The following CCDC88C variants were observed in gnomAD, a reference collection of about 807,000 sequenced individuals.
CCDC88C encodes the protein coiled-coil and HOOK domain protein 88C.
CCDC88C carries 131 observed loss-of-function variants against 198.8 expected under a neutral mutation model. The ratio of observed to expected loss-of-function variants is 0.66; its 90% CI spans 0.57 to 0.76. The LOEUF is 0.76. Among genes scored for constraint, CCDC88C ranks in the 30% least tolerant of loss-of-function variants. The probability of loss-of-function intolerance (pLI) is 0.00; values close to 1 mark genes in which losing one functional copy is unlikely to be tolerated. For synonymous variants in CCDC88C, 1,166 were observed against 1,114.7 expected, an observed-to-expected ratio of 1.05 and a Z score of -0.92; for missense variants, 2,553 against 2,631.6, an observed-to-expected ratio of 0.97 and a Z score of 0.65.
intron 3 of CCDC88C, among the ~76,000 whole-genome samples, chr14:91,373,027 C>T (rs990582126): frequency 1.2e-4 from 19 of 152,132 alleles, no homozygotes; most frequent in Admixed American, 3.3e-4. Flanking sequence ...GGGGCAAACA[C>T]AGGAAGCCAC....
intron 23 of CCDC88C, among the ~76,000 whole-genome samples, chr14:91,293,426 C>T (rs758714432): frequency 0.019 from 80 of 4,272 alleles, 6 homozygotes; most frequent in African/African-American, 0.035. Context: ...CTGCCACGGC[C>T]CACCTTCCCG....
chr14:91,318,423 C>T (rs934050534), intron 13 of CCDC88C, among the ~76,000 whole-genome samples: 2 of 152,088 alleles, frequency 1.3e-5, no homozygotes, highest in East Asian at 1.9e-4. Context: ...CTCAAAAAAC[C>T]GAGTCACTTT....
chr14:91,322,007 C>T (rs1438344886), intron 12 of CCDC88C, among the ~76,000 whole-genome samples: 5 of 152,066 alleles, frequency 3.3e-5, no homozygotes, highest in African/African-American at 7.2e-5. Flanking sequence ...GTTCCTGGCC[C>T]CCTCCTGCCA....
chr14:91,308,485 T>C lies in CCDC88C; in HGVS notation c.2872A>G (p.Lys958Glu), dbSNP rs1469403292. Residue 958 changes from lysine (K) to glutamate (E), a missense_variant, in exon 17 of 30, where the codon AAG (lysine) becomes GAG (glutamate). Physicochemically the swap from Lys to Glu is moderately conservative, Grantham distance 56. Around this residue, in one of 2 missense-constraint regions of CCDC88C, gnomAD observed 1,260 missense variants for 1,412.0 expected, o/e 0.89. Coordinates refer to ENST00000389857, the MANE Select transcript of CCDC88C (RefSeq NM_001080414.4). Reference sequence around the variant, plus strand: ...GATTCATTTCTGCCCTCCAAAATCTTGTATTTTCTGGAAAACACAAAGATA... The same window carrying C: ...GATTCATTTCTGCCCTCCAAAATCTCGTATTTTCTGGAAAACACAAAGATA... ...EDDSGSDTKYKILEGRNESAL... is the reference protein window; with the variant it reads ...EDDSGSDTKYEILEGRNESAL... 7.4e-6 allele frequency: 12 copies of C among 1,613,858 alleles called. No homozygotes were observed. The East Asian group carries it at 1.8e-4, about 24-fold the overall frequency.
chr14:91,313,807 C>T lies in CCDC88C; in HGVS notation c.2009G>A (p.Gly670Asp). The change falls in exon 15 of 30, where the codon GGC becomes GAC. Residue 670 changes from glycine to aspartate, a missense_variant. Physicochemically the swap from Gly to Asp is moderately conservative, Grantham distance 94 (BLOSUM62 -1). Around this residue, in one of 2 missense-constraint regions of CCDC88C, gnomAD observed 1,260 missense variants for 1,412.0 expected, o/e 0.89. Coordinates refer to ENST00000389857, the MANE Select transcript of CCDC88C (RefSeq NM_001080414.4). The surrounding 1 kb of genome is among the most constrained non-coding windows in gnomAD (Gnocchi z 5.2). The part of the protein sequence containing the change: ...KVEALEHESQ[G>D]LQLENRTLRK... ...CAGAGTCCGGTTCTCCAGCTGCAGGCCCTGGCTCTCATGCTCCAGGGCCTC... is the reference window on the plus strand; with the variant it reads ...CAGAGTCCGGTTCTCCAGCTGCAGGTCCTGGCTCTCATGCTCCAGGGCCTC... The T allele has an allele frequency of 6.2e-7, 1 of 1,604,980 alleles. No individual in the cohort carries two copies. Among genetic ancestry groups the T allele is most frequent in the Non-Finnish European group, 8.5e-7 (1 of 1,178,264 alleles).
At chr14:91,376,464 A>G (rs1884420776) in intron 3 of CCDC88C, among the ~76,000 whole-genome samples, 3 of 152,176 alleles carry the variant, frequency 2.0e-5, no homozygotes, top group Admixed American at 2.0e-4. Flanking sequence ...CCTGCCCCCC[A>G]GGAACCACAG....
chr14:91,356,594 G>A (rs1467622526), intron 4 of CCDC88C, among the ~76,000 whole-genome samples: 1 of 151,982 alleles, frequency 6.6e-6, no homozygotes, highest in Admixed American at 6.6e-5. Flanking sequence ...CTGAATTGTG[G>A]TTAGGGTTTT....
rs747563374 is a variant in CCDC88C, at chr14:91,308,428, C to T, written c.2929G>A (p.Glu977Lys). Residue 977 changes from glutamate (E) to lysine (K), a missense_variant, in exon 17 of 30, where the codon GAA becomes AAA. Physicochemically the swap from Glu to Lys is moderately conservative, Grantham distance 56 (BLOSUM62 1). Coordinates refer to ENST00000389857, the MANE Select transcript of CCDC88C (RefSeq NM_001080414.4). ...ALKTTLAMKE[E>K]KIVLLEAQME... ...TGTGCTTCTAAGAGCACAATCTTTTCTTCTTTCATGGCTAGTGTTGTTTTT... is the reference window on the plus strand; with the variant it reads ...TGTGCTTCTAAGAGCACAATCTTTTTTTCTTTCATGGCTAGTGTTGTTTTT... 6.2e-7 allele frequency: 1 copy of T among 1,613,950 alleles called. No homozygotes were observed. Among genetic ancestry groups the T allele is most frequent in the East Asian group, 2.2e-5 (1 of 44,880 alleles).
chr14:91,338,865 G>C lies in CCDC88C; in HGVS notation c.810-295C>G. 2.0e-6 allele frequency: 1 copy of C among 493,394 alleles called. No homozygotes were observed. The highest frequency in any genetic ancestry group is 2.2e-5 in the South Asian group (1 of 45,754). 30.6% of individuals were successfully genotyped at this position (493,394 alleles called of 1,614,324 possible). On this transcript the variant is annotated intron_variant, in intron 8 of 29. Transcript: ENST00000389857. The surrounding 1 kb of genome is among the most constrained non-coding windows in gnomAD (Gnocchi z 4.8). ...GGCAGCTGTACCACCCCACAGCCAGGCTCCACAGGTGACATCCATCAGCTG... is the reference window on the plus strand; with the variant it reads ...GGCAGCTGTACCACCCCACAGCCAGCCTCCACAGGTGACATCCATCAGCTG...
At chr14:91,357,099 G>A (rs1894066157) in intron 4 of CCDC88C, among the ~76,000 whole-genome samples, 2 of 152,174 alleles carry the variant, frequency 1.3e-5, no homozygotes, top group South Asian at 2.1e-4. Flanking sequence ...CAGGTTTGGG[G>A]GCGGACAGAG....
intron 2 of CCDC88C, among the ~76,000 whole-genome samples, chr14:91,411,962 C>CAAAA (rs35255337): frequency 2.0e-5 from 2 of 97,846 alleles, no homozygotes; most frequent in Non-Finnish European, 2.3e-5. Context: ...GACTCCATCT[C>CAAAA]AAAAAAAAAA....
At chr14:91,317,428 G>A (rs1026535558) in intron 13 of CCDC88C, among the ~76,000 whole-genome samples, 18 of 152,234 alleles carry the variant, frequency 1.2e-4, no homozygotes, top group African/African-American at 4.3e-4. Flanking sequence ...GATGAGCTGA[G>A]CTGGCTGAGG....
At chr14:91,380,921 G>C (rs1170983511) in intron 3 of CCDC88C, among the ~76,000 whole-genome samples, 2 of 152,204 alleles carry the variant, frequency 1.3e-5, no homozygotes, top group African/African-American at 4.8e-5. Context: ...ATGGGAACTT[G>C]GAAGGCTGAC....
At chr14:91,384,271 CTCTTTT>C (rs1489645922) in intron 3 of CCDC88C, 2 of 298,896 alleles carry the variant, frequency 6.7e-6, no homozygotes, top group African/African-American at 6.4e-5. Flanking sequence ...ACCCCCATCT[CTCTTTT>C]TTTTTTTTTT....
rs181180295 is a variant in CCDC88C, at chr14:91,320,004, A to G, written c.1527+1116T>C. Among the ~76,000 whole-genome samples, 276 of 149,466 alleles carry G rather than the reference A, an allele frequency of 1.8e-3. 3 individuals are homozygous for G. Among genetic ancestry groups the G allele is most frequent in the Non-Finnish European group, 3.3e-3 (221 of 67,552 alleles). ...GTGCCATTGCACTCCAGCCTGGGCA[A>G]CAAGAACAAAACTCAGTCTCAAAAA... On this transcript the variant is annotated intron_variant, in intron 13 of 29. Transcript: ENST00000389857.
At chr14:91,283,172 G>C (rs1489976209) in intron 26 of CCDC88C, among the ~76,000 whole-genome samples, 157 bp downstream of exon 26, 1 of 152,216 alleles carries the variant, frequency 6.6e-6, no homozygotes, top group East Asian at 1.9e-4. Flanking sequence ...AAGCACAGCT[G>C]CATCTGTGCC....
intron 3 of CCDC88C, among the ~76,000 whole-genome samples, chr14:91,398,031 A>G (rs566835001): frequency 6.6e-6 from 1 of 152,290 alleles, no homozygotes; most frequent in East Asian, 1.9e-4. Flanking sequence ...TTTCTTCTTT[A>G]TAATACCGAA....
rs768204380 is a variant in CCDC88C at position 91,313,923 on chromosome 14, C to G, written c.1893G>C (p.Glu631Asp). 1.9e-6 allele frequency: 3 copies of G among 1,612,812 alleles called. No individual in the cohort carries two copies. The highest frequency in any genetic ancestry group is 2.5e-6 in the Non-Finnish European group (3 of 1,179,822). ...GTCGCTGTAGCTCCCTCTCCAGCTT[C>G]TCTGCCCGCTCCCCCTTCTCCTTGG... is the stretch of plus-strand genomic sequence containing the variant. ...EQAKEKGERA[E>D]KLERELQRLQ... Residue 631 changes from glutamate to aspartate, a missense_variant, in exon 15 of 30, where the codon GAG becomes GAC. This residue lies in a region of CCDC88C where 1,260 missense variants were observed against 1,412.0 expected (regional missense o/e 0.89). Coordinates refer to ENST00000389857, the MANE Select transcript of CCDC88C (RefSeq NM_001080414.4). This position sits in a 1 kb window ranked among gnomAD's most constrained non-coding sequence, Gnocchi z 5.2.
chr14:91,354,574 G>GA (rs1893959813), intron 4 of CCDC88C, among the ~76,000 whole-genome samples: 1 of 152,208 alleles, frequency 6.6e-6, no homozygotes, highest in African/African-American at 2.4e-5. Flanking sequence ...GGCAGAGAAT[G>GA]AATCTCACTT....
Sources: gnomAD v4.1 joint callset for allele counts (sites outside exome capture counted in the v4.1 genomes callset) on GRCh38, gnomAD v4.1.1 for gene constraint, gnomAD v4.1.1 regional missense constraint, Gnocchi (gnomAD v3.1) non-coding constraint, MANE v1.5 for transcripts, NCBI Gene and HGNC (gene_info 2026-07-23, HGNC 2026-07-21) for gene names.